Variants in MGAT4C observed in about 807,000 individuals in gnomAD.
MGAT4C encodes alpha-1,3-mannosyl-glycoprotein 4-beta-N-acetylglucosaminyltransferase C.
In MGAT4C, 19 loss-of-function variants were observed where a neutral mutation model predicts 40.1. The ratio of observed to expected loss-of-function variants is 0.47; its 90% CI spans 0.33 to 0.70. MGAT4C has a LOEUF of 0.70. Among genes scored for constraint, MGAT4C ranks in the 30% least tolerant of loss-of-function variants. The pLI is 0.02. For missense variants in MGAT4C, 491 were observed against 563.2 expected (o/e 0.87, Z 1.30); for synonymous variants, 181 against 187.1 (o/e 0.97, Z 0.27).
intron 4 of MGAT4C, among the ~76,000 whole-genome samples, chr12:86,327,679 A>G (rs1248646642): frequency 2.0e-5 from 3 of 152,174 alleles, no homozygotes; most frequent in Non-Finnish European, 4.4e-5. Flanking sequence ...AAGATACACA[A>G]TGATATTGTT....
At chr12:86,567,888 C>G (rs1374537909) in intron 2 of MGAT4C, among the ~76,000 whole-genome samples, 9 of 152,126 alleles carry the variant, frequency 5.9e-5, no homozygotes, top group Non-Finnish European at 1.3e-4. Context: ...GACTTCATAT[C>G]AGCATTTCAG....
At chr12:86,009,216 CT>C (rs1183406846) in intron 2 of MGAT4C, among the ~76,000 whole-genome samples, 5 of 152,080 alleles carry the variant, frequency 3.3e-5, no homozygotes, top group Non-Finnish European at 7.4e-5. Flanking sequence ...TAGAATAATT[CT>C]CTTTTAGAAT....
intron 2 of MGAT4C, among the ~76,000 whole-genome samples, chr12:85,995,751 C>G (rs889296156): frequency 6.6e-6 from 1 of 151,968 alleles, no homozygotes; most frequent in African/African-American, 2.4e-5. Flanking sequence ...ATCTGTAGTC[C>G]CAGCTACTTG....
intron 2 of MGAT4C, among the ~76,000 whole-genome samples, chr12:86,580,330 C>T (rs1960730139): frequency 6.6e-6 from 1 of 151,230 alleles, no homozygotes; most frequent in South Asian, 2.1e-4. Flanking sequence ...TAATATATTC[C>T]CTCTCTCTAG....
intron 1 of MGAT4C, among the ~76,000 whole-genome samples, chr12:86,251,739 A>T (rs1452412599): frequency 6.6e-6 from 1 of 152,006 alleles, no homozygotes; most frequent in Non-Finnish European, 1.5e-5. Flanking sequence ...CCCAAATGTT[A>T]GGAGATACCC....
chr12:86,274,350 C>G lies in MGAT4C; in HGVS notation c.-57+59715G>C, dbSNP rs757708659. Among the ~76,000 whole-genome samples the G allele has an allele frequency of 1.7e-4, 26 of 152,156 alleles. 1 individual carries two copies. The South Asian group carries it at 3.3e-3, about 19-fold the overall frequency. The stretch of plus-strand genomic sequence containing the variant: ...ATATCACACTCAAAGACACTCTAGT[C>G]TTTAAAAAGTGGATATCATCTAAAT... On this transcript the variant is annotated intron_variant, in intron 4 of 7. Coordinates refer to the MGAT4C transcript ENST00000548651.
At chr12:86,513,473 C>T (rs915023477) in intron 2 of MGAT4C, among the ~76,000 whole-genome samples, 1 of 152,122 alleles carries the variant, frequency 6.6e-6, no homozygotes, top group Admixed American at 6.6e-5. Flanking sequence ...AATAAGTTAG[C>T]CTGCTGTAGT....
intron 3 of MGAT4C, among the ~76,000 whole-genome samples, chr12:86,401,380 G>T (rs1235255082): frequency 1.3e-5 from 2 of 151,380 alleles, no homozygotes; most frequent in Non-Finnish European, 2.9e-5. Context: ...AGAGTAAAAA[G>T]CCATAGAATA....
chr12:86,420,471 C>T (rs1004928994), intron 3 of MGAT4C, among the ~76,000 whole-genome samples: 1 of 152,094 alleles, frequency 6.6e-6, no homozygotes, highest in African/African-American at 2.4e-5. Context: ...TTCATTGGTT[C>T]TCTAAATTCG....
intron 1 of MGAT4C, among the ~76,000 whole-genome samples, chr12:86,120,396 T>G (rs1305563184): frequency 2.0e-5 from 3 of 151,984 alleles, no homozygotes; most frequent in African/African-American, 7.2e-5. Context: ...GAGTAGTGGT[T>G]CTCCCAGCAC....
intron 2 of MGAT4C, among the ~76,000 whole-genome samples, chr12:86,632,272 A>T (rs1963072268): frequency 6.6e-6 from 1 of 152,104 alleles, no homozygotes; most frequent in Non-Finnish European, 1.5e-5. Context: ...GCTGGATAGG[A>T]TGTAGAGAAA....
At chr12:86,776,637 T>G (rs1338912558) in intron 1 of MGAT4C, among the ~76,000 whole-genome samples, 2 of 152,102 alleles carry the variant, frequency 1.3e-5, no homozygotes, top group Non-Finnish European at 2.9e-5. Flanking sequence ...AGAATTATAC[T>G]TACCTTCTGA....
intron 4 of MGAT4C, among the ~76,000 whole-genome samples, chr12:86,327,500 T>G (rs1954554636): frequency 6.6e-6 from 1 of 152,062 alleles, no homozygotes; most frequent in African/African-American, 2.4e-5. Flanking sequence ...CTTTGAAAAC[T>G]TGTGGTTCAT....
At position 86,360,646 on chromosome 12, in the gene MGAT4C, C is replaced by T. The variant is rs572119733; in HGVS notation, c.-119-26519G>A. 5.4e-3 allele frequency among the ~76,000 whole-genome samples: 820 copies of T among 152,210 alleles called. 7 individuals carry two copies. Among genetic ancestry groups the T allele is most frequent in the African/African-American group, 0.019 (785 of 41,552 alleles). On this transcript the variant is annotated intron_variant, in intron 3 of 7. Coordinates refer to the MGAT4C transcript ENST00000548651. ...AAGCAACTTCAGCAAAGTCTCAGGA[C>T]ACAAAATCAATGTGCAAAAATCACA...
intron 2 of MGAT4C, among the ~76,000 whole-genome samples, chr12:86,458,763 A>AT (rs1311895401): frequency 2.0e-5 from 3 of 152,228 alleles, no homozygotes; most frequent in East Asian, 1.9e-4. Flanking sequence ...TCAGCAAGGC[A>AT]TTTTTTTCTG....
chr12:86,117,565 A>G (rs1878636614), intron 1 of MGAT4C, among the ~76,000 whole-genome samples: 1 of 152,122 alleles, frequency 6.6e-6, no homozygotes, highest in Non-Finnish European at 1.5e-5. Flanking sequence ...GTTAGAATGA[A>G]TTTATTATGT....
chr12:86,109,928 A>T (rs1284086301), intron 1 of MGAT4C, among the ~76,000 whole-genome samples: 1 of 151,842 alleles, frequency 6.6e-6, no homozygotes, highest in Non-Finnish European at 1.5e-5. Flanking sequence ...TGAGCCTAGG[A>T]TGAAAAAAAC....
At chr12:86,331,425 G>A (rs1452017639) in intron 4 of MGAT4C, among the ~76,000 whole-genome samples, 2 of 152,076 alleles carry the variant, frequency 1.3e-5, no homozygotes, top group African/African-American at 2.4e-5. Context: ...GTGACTTGAG[G>A]CATTTTTCCC....
At chr12:86,274,049 T>C (rs1430269726) in intron 4 of MGAT4C, among the ~76,000 whole-genome samples, 2 of 152,174 alleles carry the variant, frequency 1.3e-5, no homozygotes, top group Non-Finnish European at 2.9e-5. Context: ...ATTACAATCA[T>C]GGCAGATAAT....
Sources: gnomAD v4.1 joint callset for allele counts (sites outside exome capture counted in the v4.1 genomes callset) on GRCh38, gnomAD v4.1.1 for gene constraint, MANE v1.5 for transcripts, NCBI Gene and HGNC (gene_info 2026-07-23, HGNC 2026-07-21) for gene names.